TENM2: variants seen among roughly 807,000 people sequenced by gnomAD.
TENM2 encodes the protein teneurin transmembrane protein 2, also known as teneurin-2.
In TENM2, 52 loss-of-function variants were observed where a neutral mutation model predicts 245.2. The observed-to-expected ratio is 0.21, with a 90% CI of 0.17 to 0.27. The LOEUF (loss-of-function observed/expected upper bound fraction) is 0.27, where lower values mean the gene tolerates loss of function less well. Ranked by LOEUF, TENM2 falls within the 10% of genes least tolerant of loss-of-function variation. TENM2 has a pLI of 1.00. For missense variants in TENM2, 3,046 were observed against 3,666.8 expected (o/e 0.83, Z 4.37); for synonymous variants, 1,363 against 1,438.9 (o/e 0.95, Z 1.19).
chr5:167,425,999 A>G (rs1414057924), intron 2 of TENM2, among the ~76,000 whole-genome samples: 1 of 152,046 alleles, frequency 6.6e-6, no homozygotes, highest in African/African-American at 2.4e-5. Flanking sequence ...AAGGGTTTTT[A>G]TGTATATCAC....
chr5:167,826,023 C>T (rs1767946915), intron 2 of TENM2, among the ~76,000 whole-genome samples: 2 of 152,138 alleles, frequency 1.3e-5, no homozygotes, highest in South Asian at 4.2e-4. Context: ...CGTCGTGTAC[C>T]TGTACCTTTC....
At chr5:167,961,663 C>G (rs1383652317) in intron 4 of TENM2, among the ~76,000 whole-genome samples, 1 of 152,040 alleles carries the variant, frequency 6.6e-6, no homozygotes, top group African/African-American at 2.4e-5. Context: ...CTCACTCAAG[C>G]CTGAAAACAA....
At chr5:168,223,269 C>T (rs573264984) in intron 23 of TENM2, among the ~76,000 whole-genome samples, 1 of 152,110 alleles carries the variant, frequency 6.6e-6, no homozygotes, top group Non-Finnish European at 1.5e-5. Flanking sequence ...TGTAAGTGTC[C>T]CCAAACTACA....
At chr5:167,061,837 G>A in the TENM2 span, among the ~76,000 whole-genome samples, 3 of 150,742 alleles carry the variant, frequency 2.0e-5, no homozygotes, top group Admixed American at 6.7e-5. Flanking sequence ...GAGCAAAAAC[G>A]TGTTACAGTC....
At chr5:168,214,775 C>T (rs913337851) in intron 20 of TENM2, 7 of 551,310 alleles carry the variant, frequency 1.3e-5, no homozygotes, top group Admixed American at 2.2e-5. Flanking sequence ...TGGGAGCTCT[C>T]GTACTGGCTA....
intron 1 of TENM2, among the ~76,000 whole-genome samples, chr5:167,367,569 A>G (rs1038885394): frequency 2.0e-5 from 3 of 152,176 alleles, no homozygotes; most frequent in African/African-American, 7.2e-5. Context: ...AGCATAAAAC[A>G]TTAGTATTCA....
At chr5:167,851,973 A>G (rs1442338154) in intron 2 of TENM2, among the ~76,000 whole-genome samples, 1 of 152,232 alleles carries the variant, frequency 6.6e-6, no homozygotes, top group East Asian at 1.9e-4. Context: ...TGTCTGTACT[A>G]TAGATGAAAT....
intron 3 of TENM2, among the ~76,000 whole-genome samples, chr5:167,932,870 A>C (rs187805545): frequency 3.3e-5 from 5 of 152,274 alleles, no homozygotes; most frequent in East Asian, 3.9e-4. Flanking sequence ...AAACCAAACC[A>C]AGTGTCTCCT....
chr5:167,537,767 G>C (rs939628418), intron 2 of TENM2, among the ~76,000 whole-genome samples: 1 of 152,184 alleles, frequency 6.6e-6, no homozygotes, highest in African/African-American at 2.4e-5. Flanking sequence ...TATAACCCAC[G>C]TGGGTATCAT....
chr5:167,645,250 G>C (rs544829001), intron 2 of TENM2, among the ~76,000 whole-genome samples: 10 of 152,162 alleles, frequency 6.6e-5, no homozygotes, highest in South Asian at 6.3e-4. Context: ...GTCTTTTCTC[G>C]AGCACAATCA....
the TENM2 span, among the ~76,000 whole-genome samples, chr5:167,221,237 A>G: frequency 6.6e-6 from 1 of 152,170 alleles, no homozygotes; most frequent in Admixed American, 6.5e-5. Flanking sequence ...GGAAGGGCAA[A>G]TGTGGAAGTG....
rs148017714 is a variant in TENM2, at chr5:167,374,753, C to T, written c.227-445C>T. ...ATGGCCTTGGATAAGTGCCTTAAATCCTCTGGTCCCCGGTTTCCTCATCTA... is the reference window on the plus strand; with the variant it reads ...ATGGCCTTGGATAAGTGCCTTAAATTCTCTGGTCCCCGGTTTCCTCATCTA... On this transcript the variant is annotated intron_variant, in intron 1 of 28. Transcript: ENST00000518659. Among the ~76,000 whole-genome samples the T allele has an allele frequency of 2.1e-3, 312 of 152,030 alleles. 2 individuals are homozygous for T. Among genetic ancestry groups the T allele is most frequent in the African/African-American group, 7.1e-3 (295 of 41,458 alleles).
chr5:167,912,259 G>A (rs1460679408), intron 3 of TENM2, among the ~76,000 whole-genome samples: 1 of 152,142 alleles, frequency 6.6e-6, no homozygotes, highest in Admixed American at 6.5e-5. Flanking sequence ...TCGTCTTTCT[G>A]TGCCTGTCTT....
At chr5:167,423,785 G>A (rs1039154806) in intron 2 of TENM2, among the ~76,000 whole-genome samples, 1 of 152,050 alleles carries the variant, frequency 6.6e-6, no homozygotes, top group African/African-American at 2.4e-5. Flanking sequence ...TTCACCCTCG[G>A]CCGTAAGTGA....
the TENM2 span, among the ~76,000 whole-genome samples, chr5:167,139,411 T>C: frequency 6.6e-6 from 1 of 152,248 alleles, no homozygotes; most frequent in Admixed American, 6.5e-5. Flanking sequence ...GTGATCTATA[T>C]TCCCTTAAAT....
At chr5:167,728,888 C>T (rs946814948) in intron 2 of TENM2, 1 of 152,234 alleles carries the variant, frequency 6.6e-6, no homozygotes, top group Non-Finnish European at 1.5e-5. Context: ...GCCATATGTT[C>T]CTGCCAGGCA....
chr5:167,038,784 T>C, the TENM2 span, among the ~76,000 whole-genome samples: 9 of 152,162 alleles, frequency 5.9e-5, no homozygotes, highest in African/African-American at 1.7e-4. Context: ...GAATATAAAG[T>C]CAGTGATGAG....
At chr5:167,915,679 A>T (rs1010282298) in intron 3 of TENM2, among the ~76,000 whole-genome samples, 1 of 152,252 alleles carries the variant, frequency 6.6e-6, no homozygotes, top group Non-Finnish European at 1.5e-5. Context: ...GGCATAAACC[A>T]AAAGAACAGA....
the TENM2 span, among the ~76,000 whole-genome samples, chr5:167,006,457 A>G: frequency 3.9e-5 from 6 of 152,208 alleles, no homozygotes; most frequent in African/African-American, 1.4e-4. Flanking sequence ...CAATGCAGAA[A>G]AGTAAAAAGA....
Sources: allele counts gnomAD v4.1 joint callset (sites outside exome capture counted in the v4.1 genomes callset), GRCh38; gene constraint gnomAD v4.1.1; transcripts MANE v1.5; gene names NCBI Gene and HGNC (gene_info 2026-07-23, HGNC 2026-07-21).